The following ANK2 variants were observed in gnomAD, a reference collection of about 807,000 sequenced individuals.
The protein encoded by ANK2 is ankyrin-2.
In ANK2, 83 loss-of-function variants were observed where a neutral mutation model predicts 360.5. The ratio of observed to expected loss-of-function variants is 0.23; its 90% CI spans 0.19 to 0.28. ANK2 has a LOEUF of 0.28. Among genes scored for constraint, ANK2 ranks in the 10% least tolerant of loss-of-function variants. The pLI is 1.00. For synonymous variants in ANK2, 1,740 were observed against 1,759.5 expected, an observed-to-expected ratio of 0.99 and a Z score of 0.28; for missense variants, 4,201 against 4,795.7, an observed-to-expected ratio of 0.88 and a Z score of 3.66.
intron 26 of ANK2, among the ~76,000 whole-genome samples, chr4:113,328,460 A>T (rs2153905277): frequency 6.6e-6 from 1 of 152,338 alleles, no homozygotes; most frequent in Middle Eastern, 3.4e-3. Context: ...CAGTATTTTC[A>T]TTCTTTTGAG....
chr4:112,796,141 G>T, the ANK2 span, among the ~76,000 whole-genome samples: 1 of 151,918 alleles, frequency 6.6e-6, no homozygotes, highest in Non-Finnish European at 1.5e-5. Context: ...TATACATATC[G>T]TGGTTGAGTG....
the ANK2 span, among the ~76,000 whole-genome samples, chr4:112,810,121 TTG>T: frequency 3.2e-5 from 2 of 62,168 alleles, no homozygotes; most frequent in South Asian, 6.7e-4. Context: ...TTTTAATTTT[TTG>T]TGTATATATA....
chr4:112,801,341 T>G, the ANK2 span, among the ~76,000 whole-genome samples: 1 of 152,240 alleles, frequency 6.6e-6, no homozygotes, highest in African/African-American at 2.4e-5. Flanking sequence ...AGTGCTTTGC[T>G]CCTGAGGATC....
intron 4 of ANK2, among the ~76,000 whole-genome samples, chr4:113,231,760 C>T (rs1026634821): frequency 3.3e-5 from 5 of 152,004 alleles, no homozygotes; most frequent in Admixed American, 2.0e-4. Context: ...TGCGCCACCA[C>T]GCCCGGCTAA....
chr4:113,376,361 G>A (rs949359209), intron 45 of ANK2, among the ~76,000 whole-genome samples: 4 of 152,086 alleles, frequency 2.6e-5, no homozygotes, highest in Non-Finnish European at 5.9e-5. Context: ...AATAGAAAAG[G>A]TACAGTAGAT....
At chr4:113,066,110 AGGTGTTT>A (rs2075507843) in intron 1 of ANK2, among the ~76,000 whole-genome samples, 1 of 152,330 alleles carries the variant, frequency 6.6e-6, no homozygotes, top group African/African-American at 2.4e-5. Flanking sequence ...TGTCCTCTAA[AGGTGTTT>A]GGTTTAACAG....
chr4:113,074,102 CTATTATTGGTAATA>C (rs2078923027), intron 1 of ANK2, among the ~76,000 whole-genome samples: 1 of 152,108 alleles, frequency 6.6e-6, no homozygotes, highest in Admixed American at 6.5e-5. Context: ...AGGATTTGCT[CTATTATTGGTAATA>C]TATCTGTAGA....
chr4:113,206,473 G>T (rs1171661037), intron 4 of ANK2, among the ~76,000 whole-genome samples: 1 of 152,018 alleles, frequency 6.6e-6, no homozygotes, highest in African/African-American at 2.4e-5. Context: ...CTTAATAAGG[G>T]TCTTGTTTTT....
chr4:113,100,202 G>GA lies in ANK2; in HGVS notation c.84+50398dup, dbSNP rs577040961. ...TAGAAAGACAAGCCACAGGCTACAA[G>GA]AAAAAAAATCTTTGCAAAACACATA... is the stretch of plus-strand genomic sequence containing the variant. On this transcript the variant is annotated intron_variant, in intron 1 of 45. Transcript: ENST00000357077. Among the ~76,000 whole-genome samples the GA allele has an allele frequency of 5.3e-5, 8 of 151,678 alleles. No individual in the cohort carries two copies. The South Asian group carries it at 6.3e-4, about 12-fold the overall frequency.
intron 2 of ANK2, among the ~76,000 whole-genome samples, chr4:113,194,873 C>T (rs1221624411): frequency 2.6e-5 from 4 of 152,044 alleles, no homozygotes; most frequent in African/African-American, 4.8e-5. Context: ...TTAGTTGTTT[C>T]CCATTTGGTA....
chr4:113,282,608 G>T, intron 17 of ANK2, 67 bp from the exon 18 acceptor site: 1 of 1,381,134 alleles, frequency 7.2e-7, no homozygotes, highest in East Asian at 2.5e-5. Context: ...ATTTCCTTTA[G>T]AGATACGTAT....
At chr4:112,835,137 C>T (rs775622078) in intron 1 of ANK2, among the ~76,000 whole-genome samples, 1 of 152,198 alleles carries the variant, frequency 6.6e-6, no homozygotes, top group African/African-American at 2.4e-5. Flanking sequence ...CGACATTTCA[C>T]TTGATGTTTT....
At position 113,064,180 on chromosome 4, in the gene ANK2, T is replaced by G. The variant is rs527535588; in HGVS notation, c.84+14368T>G. ...ATTTCTAGCATTGATAGTAGAGAAA[T>G]TTTTCCTCATTAATTTTTCTTTTTA... On this transcript the variant is annotated intron_variant, in intron 1 of 45. Coordinates refer to ENST00000357077, the MANE Select transcript of ANK2 (RefSeq NM_001148.6). 3.0e-4 allele frequency among the ~76,000 whole-genome samples: 46 copies of G among 151,950 alleles called. 1 individual carries two copies. Among genetic ancestry groups the G allele is most frequent in the African/African-American group, 1.1e-3 (45 of 41,544 alleles).
At position 113,373,442 on chromosome 4, in the gene ANK2, A is replaced by C; in HGVS notation, c.11852A>C (p.Gln3951Pro). Reference sequence around the variant, plus strand: ...GTTGTATTGAAGAGTGACACCGAGCAGTCAGAGGTGAGACAACCTGATTCT... The same window carrying C: ...GTTGTATTGAAGAGTGACACCGAGCCGTCAGAGGTGAGACAACCTGATTCT... ...KRVVLKSDTEQSEDNNE is the reference protein window; with the variant it reads ...KRVVLKSDTEPSEDNNE Residue 3951 changes from glutamine to proline, a missense_variant, in exon 45 of 46, where the codon CAG becomes CCG. Transcript: ENST00000357077. The C allele has an allele frequency of 6.2e-7, 1 of 1,614,208 alleles. No individual in the cohort carries two copies. The highest frequency in any genetic ancestry group is 1.1e-5 in the South Asian group (1 of 91,078).
Position 113,317,476 on chromosome 4 carries a change from A to T in ANK2, c.2694-231A>T, listed in dbSNP as rs184597352. On this transcript the variant is annotated intron_variant, in intron 24 of 45. Transcript: ENST00000357077. ...AATCAGATTAGGAGTATCAAATTTT[A>T]ACTTCTGGATTCCCTTGTGCTCTTG... 19 of 555,496 alleles carry T rather than the reference A, an allele frequency of 3.4e-5. No individual in the cohort carries two copies. In the East Asian group the frequency reaches 5.7e-4, roughly 17 times the overall value. 34.4% of individuals were successfully genotyped at this position (555,496 alleles called of 1,614,324 possible).
chr4:112,777,148 G>A, the ANK2 span, among the ~76,000 whole-genome samples: 2 of 152,194 alleles, frequency 1.3e-5, no homozygotes, highest in South Asian at 4.1e-4. Flanking sequence ...TTGGAAGGGT[G>A]AGCTACAGCT....
At chr4:113,252,777 T>G (rs2047160511) in intron 10 of ANK2, among the ~76,000 whole-genome samples, 1 of 152,210 alleles carries the variant, frequency 6.6e-6, no homozygotes, top group Admixed American at 6.5e-5. Context: ...GTATTCATAC[T>G]ACCTGCATTT....
chr4:112,795,917 G>T, the ANK2 span, among the ~76,000 whole-genome samples: 1 of 150,990 alleles, frequency 6.6e-6, no homozygotes, highest in Non-Finnish European at 1.5e-5. Flanking sequence ...TTGCATCTCA[G>T]ACTCTGGGAG....
chr4:112,814,969 A>G (rs1398568070), upstream of ANK2, among the ~76,000 whole-genome samples: 1 of 152,024 alleles, frequency 6.6e-6, no homozygotes, highest in African/African-American at 2.4e-5. Flanking sequence ...AATTTTAGCT[A>G]GAGAGATCAG....
Sources: gnomAD v4.1 joint callset for allele counts (sites outside exome capture counted in the v4.1 genomes callset) on GRCh38, gnomAD v4.1.1 for gene constraint, MANE v1.5 for transcripts, NCBI Gene and HGNC (gene_info 2026-07-23, HGNC 2026-07-21) for gene names.